Variants in FRAS1 observed in about 807,000 individuals in gnomAD.
The protein encoded by FRAS1 is extracellular matrix organizing protein FRAS1.
Under a neutral mutation model 435.2 loss-of-function variants are expected in FRAS1, and 290 were observed. That is an observed-to-expected ratio of 0.67 (90% CI 0.61 to 0.73). FRAS1 has a LOEUF of 0.73. FRAS1 is among the 30% of genes least tolerant of loss of function. FRAS1 has a pLI of 0.00. For missense variants in FRAS1, 4,860 were observed against 5,001.5 expected (o/e 0.97, Z 0.85); for synonymous variants, 1,800 against 1,851.0 (o/e 0.97, Z 0.71).
intron 22 of FRAS1, among the ~76,000 whole-genome samples, chr4:78,369,021 G>A (rs1731390610): frequency 6.6e-6 from 1 of 152,228 alleles, no homozygotes; most frequent in Non-Finnish European, 1.5e-5. Context: ...TTGCAAGGGG[G>A]TCAGAGCGGA....
rs1035554624 is a variant in FRAS1, at chr4:78,092,382, T to C, written c.108+26366T>C. Among the ~76,000 whole-genome samples the C allele has an allele frequency of 5.3e-5, 8 of 152,168 alleles. No individual in the cohort carries two copies. In the South Asian group the frequency reaches 6.2e-4, roughly 12 times the overall value. ...GGTTTATTGGACTTACAGTTCCACA[T>C]GGCTGAGGAGGCCTCACAATCGTGG... On this transcript the variant is annotated intron_variant, in intron 2 of 73. Transcript: ENST00000512123.
intron 14 of FRAS1, among the ~76,000 whole-genome samples, chr4:78,303,232 C>A (rs1454201541): frequency 6.6e-6 from 1 of 151,986 alleles, no homozygotes; most frequent in Non-Finnish European, 1.5e-5. Context: ...TGTTTTGGTA[C>A]CAGTACCATG....
chr4:78,490,975 A>T (rs552180888), intron 59 of FRAS1, among the ~76,000 whole-genome samples: 1 of 152,342 alleles, frequency 6.6e-6, no homozygotes, highest in South Asian at 2.1e-4. Context: ...TAAAGGGGAT[A>T]TCACCACTGA....
At chr4:78,370,705 A>G (rs1223198415) in intron 23 of FRAS1, among the ~76,000 whole-genome samples, 1 of 152,232 alleles carries the variant, frequency 6.6e-6, no homozygotes, top group East Asian at 1.9e-4. Context: ...ATGAGTGAAG[A>G]CGTAGTCCCT....
intron 2 of FRAS1, among the ~76,000 whole-genome samples, chr4:78,103,988 G>A (rs1191556740): frequency 6.6e-6 from 1 of 152,150 alleles, no homozygotes; most frequent in Non-Finnish European, 1.5e-5. Flanking sequence ...AGTGTTTATT[G>A]GGACCAGTAG....
chr4:78,450,247 C>T lies in FRAS1; in HGVS notation c.6371C>T (p.Ala2124Val). ...TACATCATGAAGGAAGATCCTGGTG[C>T]AGGGCGCCTGCAGATGATGAAGCAT... ...VMYIMKEDPG[A>V]GRLQMMKHGN... The change falls in exon 45 of 74, where the codon GCA becomes GTA. Residue 2124 changes from alanine (A) to valine (V), a missense_variant. By Grantham distance (64) the Ala-to-Val change is moderately conservative. Transcript: ENST00000512123. 1 of 1,613,788 alleles carries T rather than the reference C, an allele frequency of 6.2e-7. No individual in the cohort carries two copies. The highest frequency in any genetic ancestry group is 8.5e-7 in the Non-Finnish European group (1 of 1,179,752).
At chr4:78,501,238 T>C (rs147568397) in intron 61 of FRAS1, among the ~76,000 whole-genome samples, 6 of 152,306 alleles carry the variant, frequency 3.9e-5, no homozygotes, top group African/African-American at 7.2e-5. Context: ...GTCCTTGTGA[T>C]AGTTTGCTGA....
chr4:78,371,529 C>T (rs1479200953), intron 23 of FRAS1, among the ~76,000 whole-genome samples: 1 of 152,138 alleles, frequency 6.6e-6, no homozygotes, highest in Admixed American at 6.6e-5. Context: ...TCATTTTATT[C>T]TTCACATTTT....
intron 2 of FRAS1, among the ~76,000 whole-genome samples, chr4:78,156,687 C>T (rs1720903014): frequency 6.6e-6 from 1 of 152,114 alleles, no homozygotes; most frequent in Admixed American, 6.6e-5. Flanking sequence ...TTCTTGGGGC[C>T]TTTCAGATGA....
In FRAS1 at chr4:78,541,010, C is replaced by A. The variant is rs368578398; in HGVS notation, c.11925C>A (p.Asn3975Lys). 6.4e-7 allele frequency: 1 copy of A among 1,554,270 alleles called. No individual in the cohort carries two copies. Among genetic ancestry groups the A allele is most frequent in the Non-Finnish European group, 8.7e-7 (1 of 1,146,216 alleles). ...ATAGACACTACTGCACTGTGCGGAACGTCAACATCCTGAGTGAGCCTGAGG... is the reference window on the plus strand; with the variant it reads ...ATAGACACTACTGCACTGTGCGGAAAGTCAACATCCTGAGTGAGCCTGAGG... ...NVNRHYCTVR[N>K]VNILSEPEAA... Residue 3975 changes from asparagine (N) to lysine (K), a missense_variant, in exon 74 of 74, where the codon AAC becomes AAA. Asn to Lys is a moderately conservative substitution (Grantham distance 94, BLOSUM62 0). Coordinates refer to ENST00000512123, the MANE Select transcript of FRAS1 (RefSeq NM_025074.7).
intron 2 of FRAS1, chr4:78,181,094 A>G (rs1721980570): frequency 6.4e-7 from 1 of 1,560,300 alleles, no homozygotes; most frequent in South Asian, 1.1e-5. Flanking sequence ...CCTCAGCATA[A>G]GCCTCTTCAC....
intron 41 of FRAS1, among the ~76,000 whole-genome samples, chr4:78,443,070 T>A (rs1205273423): frequency 6.6e-6 from 1 of 152,210 alleles, no homozygotes; most frequent in Non-Finnish European, 1.5e-5. Context: ...AACTAGCAGC[T>A]GGGCACAGTG....
intron 9 of FRAS1, among the ~76,000 whole-genome samples, chr4:78,270,365 T>C (rs1726598482): frequency 1.3e-5 from 2 of 152,150 alleles, no homozygotes; most frequent in Admixed American, 6.5e-5. Context: ...AAGACTGAGA[T>C]TGGACTAACT....
At chr4:78,100,104 A>T (rs1173204169) in intron 2 of FRAS1, among the ~76,000 whole-genome samples, 1 of 152,246 alleles carries the variant, frequency 6.6e-6, no homozygotes, top group Non-Finnish European at 1.5e-5. Context: ...GATAAAATAA[A>T]GTAAAAGAAA....
intron 14 of FRAS1, among the ~76,000 whole-genome samples, chr4:78,293,499 C>T (rs961818400): frequency 4.6e-5 from 7 of 152,180 alleles, no homozygotes; most frequent in African/African-American, 1.7e-4. Flanking sequence ...TACAGACTCT[C>T]TATTTTTCTC....
intron 2 of FRAS1, among the ~76,000 whole-genome samples, chr4:78,105,604 TGTTCCTCAC>T (rs1742370516): frequency 6.6e-6 from 1 of 152,200 alleles, no homozygotes; most frequent in African/African-American, 2.4e-5. Flanking sequence ...AGAGGATGTG[TGTTCCTCAC>T]CATCGTTTTT....
chr4:78,167,006 C>T (rs562791453), intron 2 of FRAS1, among the ~76,000 whole-genome samples: 1 of 152,270 alleles, frequency 6.6e-6, no homozygotes, highest in South Asian at 2.1e-4. Context: ...AGCATCTGCC[C>T]TGTATTATTA....
At chr4:78,372,606 T>C in intron 23 of FRAS1, 112 bp from the exon 24 acceptor site, 5 of 1,290,346 alleles carry the variant, frequency 3.9e-6, no homozygotes, top group Non-Finnish European at 5.5e-6. Flanking sequence ...TGACATCTCT[T>C]ACGTTGTCCT....
chr4:78,391,643 C>G (rs1052437738), intron 29 of FRAS1, among the ~76,000 whole-genome samples: 1 of 152,080 alleles, frequency 6.6e-6, no homozygotes, highest in East Asian at 1.9e-4. Context: ...TTCTGAACTT[C>G]TTTGTTACTC....
Sources: allele counts gnomAD v4.1 joint callset (sites outside exome capture counted in the v4.1 genomes callset), GRCh38; gene constraint gnomAD v4.1.1; transcripts MANE v1.5; gene names NCBI Gene and HGNC (gene_info 2026-07-23, HGNC 2026-07-21).